PNLIPRP3: variants seen among roughly 807,000 people sequenced by gnomAD.
PNLIPRP3 encodes pancreatic lipase-related protein 3.
A neutral mutation model predicts 52.8 loss-of-function variants in PNLIPRP3; 58 were observed. The ratio of observed to expected loss-of-function variants is 1.10; its 90% CI spans 0.89 to 1.37. The LOEUF is 1.37. Among genes scored for constraint, PNLIPRP3 ranks in the 40% most tolerant of loss-of-function variants. The pLI is 0.00. For missense variants in PNLIPRP3, 593 were observed against 561.6 expected (o/e 1.06, Z -0.57); for synonymous variants, 192 against 185.0 (o/e 1.04, Z -0.31).
chr10:116,450,612 A>G (rs974360508), intron 4 of PNLIPRP3, among the ~76,000 whole-genome samples: 2 of 152,136 alleles, frequency 1.3e-5, no homozygotes, highest in African/African-American at 4.8e-5. Context: ...AAAATAAGAA[A>G]TAAAAAGGAG....
chr10:116,475,388 C>A (rs1220616210), intron 10 of PNLIPRP3, among the ~76,000 whole-genome samples: 1 of 152,096 alleles, frequency 6.6e-6, no homozygotes, highest in Non-Finnish European at 1.5e-5. Flanking sequence ...ACATGTTTAC[C>A]TATGTACCTG....
In PNLIPRP3 at chr10:116,477,904, T is replaced by G. The variant is rs1846501615; in HGVS notation, c.*751T>G. On this transcript the variant is annotated 3_prime_UTR_variant, in exon 12 of 12. Coordinates refer to ENST00000369230, the MANE Select transcript of PNLIPRP3 (RefSeq NM_001011709.3). ...TAGCCTCAAGGCAGCATTTCATTTG[T>G]AAAGCACTTGGGTAACCCTTTGTTC... 1 of 152,216 alleles carries G rather than the reference T, an allele frequency of 6.6e-6. No homozygotes were observed. Among genetic ancestry groups the G allele is most frequent in the Admixed American group, 6.5e-5 (1 of 15,284 alleles). The allele number at this position is 152,216 out of a possible 1,614,324, so 9.4% of individuals were successfully genotyped here.
At chr10:116,439,743 C>T in intron 2 of PNLIPRP3, 1 of 770,066 alleles carries the variant, frequency 1.3e-6, no homozygotes, top group South Asian at 1.4e-5. Flanking sequence ...CTGAACAGAA[C>T]AGGAAGAATC....
chr10:116,466,061 T>G lies in PNLIPRP3; in HGVS notation c.820T>G (p.Phe274Val). Residue 274 changes from phenylalanine to valine, a missense_variant, in exon 8 of 12, where the codon TTC becomes GTC. Transcript: ENST00000369230. ...AATTGTTTTCACAGAAATGGCTTCC[T>G]TCTTTGACTGTAACCATGCCCGAAG... is the stretch of plus-strand genomic sequence containing the variant. ...FNAYKKEMAS[F>V]FDCNHARSYQ... 1 of 1,612,896 alleles carries G rather than the reference T, an allele frequency of 6.2e-7. No homozygotes were observed.
chr10:116,463,488 T>C (rs1284992791), intron 7 of PNLIPRP3, among the ~76,000 whole-genome samples: 4 of 152,154 alleles, frequency 2.6e-5, no homozygotes, highest in Non-Finnish European at 5.9e-5. Flanking sequence ...TTCAGGACAG[T>C]AAGAGTGGAT....
At chr10:116,434,747 A>C (rs940724281) in intron 1 of PNLIPRP3, among the ~76,000 whole-genome samples, 8 of 152,212 alleles carry the variant, frequency 5.3e-5, no homozygotes, top group Non-Finnish European at 1.0e-4. Context: ...GCAACTGGGC[A>C]TTCTAGGGAA....
At chr10:116,470,663 C>T (rs1390431376) in intron 9 of PNLIPRP3, among the ~76,000 whole-genome samples, 1 of 152,006 alleles carries the variant, frequency 6.6e-6, no homozygotes, top group African/African-American at 2.4e-5. Flanking sequence ...GCGCCGCCAC[C>T]ACGCTAGGCT....
chr10:116,444,750 T>C (rs1209852352), intron 4 of PNLIPRP3, among the ~76,000 whole-genome samples: 1 of 152,238 alleles, frequency 6.6e-6, no homozygotes, highest in Non-Finnish European at 1.5e-5. Flanking sequence ...CACTAAAAAC[T>C]GCCCCCGCAA....
In PNLIPRP3 at chr10:116,436,866, GT is replaced by G. The variant is rs764475099; in HGVS notation, c.204+2del. ...TATACACAATCCCAATGCCTATCAG[GT>G]AAGCTAACTTGCAGCCTTCACACAT... On this transcript the variant is annotated splice_donor_variant, in intron 2 of 11. Transcript: ENST00000369230. LOFTEE classifies it high-confidence loss of function. 3.2e-6 allele frequency: 5 copies of G among 1,579,206 alleles called. No homozygotes were observed. Among genetic ancestry groups the G allele is most frequent in the African/African-American group, 2.7e-5 (2 of 74,108 alleles).
At chr10:116,455,965 G>T (rs1157846194) in intron 5 of PNLIPRP3, 135 bp downstream of exon 5, 2 of 706,292 alleles carry the variant, frequency 2.8e-6, no homozygotes, top group East Asian at 2.8e-5. Flanking sequence ...GAAATAAAAC[G>T]TGAACGTGTT....
At chr10:116,476,989 T>C (rs1846480196) in intron 11 of PNLIPRP3, 101 bp from the exon 12 acceptor site, 1 of 1,216,380 alleles carries the variant, frequency 8.2e-7, no homozygotes, top group East Asian at 2.4e-5. Context: ...GCAGAAGTGT[T>C]AGAAAATAAG....
intron 5 of PNLIPRP3, among the ~76,000 whole-genome samples, chr10:116,460,197 C>T (rs1846172481): frequency 6.6e-6 from 1 of 152,176 alleles, no homozygotes; most frequent in African/African-American, 2.4e-5. Context: ...GTGCCTTTCC[C>T]ATCAAATGGA....
intron 3 of PNLIPRP3, 134 bp downstream of exon 3, chr10:116,443,308 C>T (rs1845885134): frequency 1.0e-6 from 1 of 960,554 alleles, no homozygotes; most frequent in Non-Finnish European, 1.4e-6. Context: ...TGTTCTGGGG[C>T]CTCAAATTAG....
intron 4 of PNLIPRP3, 80 bp downstream of exon 4, chr10:116,444,593 CT>C (rs376173651): frequency 2.0e-5 from 28 of 1,381,388 alleles, no homozygotes; most frequent in Admixed American, 5.6e-5. Flanking sequence ...AATTTAATGT[CT>C]TTTTTTATTA....
chr10:116,450,979 T>C (rs973249898), intron 4 of PNLIPRP3, among the ~76,000 whole-genome samples: 28 of 152,078 alleles, frequency 1.8e-4, no homozygotes, highest in African/African-American at 6.3e-4. Context: ...GGACCCTGAA[T>C]AGCCAAAACA....
At chr10:116,454,221 T>C (rs7098561) in intron 4 of PNLIPRP3, among the ~76,000 whole-genome samples, 135,157 of 152,100 alleles carry the variant, frequency 0.89, 60,967 homozygotes, top group Non-Finnish European at 0.97. Flanking sequence ...TGGGTTCAAG[T>C]GATTCTCCTG....
Position 116,476,213 on chromosome 10 carries a change from A to AG in PNLIPRP3, c.1173-439_1173-438insG, listed in dbSNP as rs1315131902. ...TTAAAGAAGGTACCAGAAAAAGGGC[A>AG]CGGGAGCACTCTGGTTAATCGAAGG... On this transcript the variant is annotated intron_variant, in intron 10 of 11. Transcript: ENST00000369230. Among the ~76,000 whole-genome samples, 88 of 152,248 alleles carry AG rather than the reference A, an allele frequency of 5.8e-4. 2 individuals are homozygous for AG. In the South Asian group the frequency reaches 0.017, roughly 29 times the overall value.
intron 4 of PNLIPRP3, among the ~76,000 whole-genome samples, chr10:116,454,791 T>C (rs1119265): frequency 0.89 from 134,866 of 152,256 alleles, 60,716 homozygotes; most frequent in Non-Finnish European, 0.97. Context: ...AATTCATTGA[T>C]GGACACAGGT....
intron 2 of PNLIPRP3, 82 bp from the exon 3 acceptor site, chr10:116,442,973 C>A: frequency 9.3e-7 from 1 of 1,069,882 alleles, no homozygotes; most frequent in Non-Finnish European, 1.2e-6. Flanking sequence ...GAAAGGCTTT[C>A]GAGCAGCTTT....
Sources: allele counts gnomAD v4.1 joint callset (sites outside exome capture counted in the v4.1 genomes callset), GRCh38; gene constraint gnomAD v4.1.1; transcripts MANE v1.5; gene names NCBI Gene and HGNC (gene_info 2026-07-23, HGNC 2026-07-21).